RGS6: variants seen among roughly 807,000 people sequenced by gnomAD.
RGS6 encodes the protein regulator of G-protein signaling 6.
A neutral mutation model predicts 78.5 loss-of-function variants in RGS6; 30 were observed. The observed-to-expected ratio is 0.38, with a 90% CI of 0.29 to 0.52. The LOEUF is 0.52. Among genes scored for constraint, RGS6 ranks in the 20% least tolerant of loss-of-function variants. The pLI is 0.85. For missense variants in RGS6, 495 were observed against 609.7 expected, an observed-to-expected ratio of 0.81 and a Z score of 1.98; for synonymous variants, 206 against 206.0, an observed-to-expected ratio of 1.00 and a Z score of 0.00.
the RGS6 span, chr14:72,619,294 G>A: frequency 2.6e-6 from 4 of 1,536,044 alleles, no homozygotes; most frequent in Non-Finnish European, 3.5e-6. Context: ...GTGACCTGGG[G>A]CCCTAGGCCT....
At chr14:72,316,123 A>G (rs1378013998) in intron 2 of RGS6, among the ~76,000 whole-genome samples, 1 of 152,228 alleles carries the variant, frequency 6.6e-6, no homozygotes, top group Non-Finnish European at 1.5e-5. Context: ...CACTTTCAAG[A>G]CATGCAGCAA....
chr14:72,333,502 C>T (rs912737178), intron 2 of RGS6, among the ~76,000 whole-genome samples: 7 of 152,320 alleles, frequency 4.6e-5, no homozygotes, highest in Admixed American at 3.9e-4. Flanking sequence ...AGCTCTCTGG[C>T]CCTCTTCTTT....
intron 17 of RGS6, among the ~76,000 whole-genome samples, chr14:72,548,342 T>TGTGTGTGTGTGCGC (rs796698263): frequency 2.1e-3 from 277 of 134,816 alleles, no homozygotes; most frequent in African/African-American, 6.8e-3. Context: ...TGTGTGTGTG[T>TGTGTGTGTGTGCGC]GCGCGCGTGT....
At chr14:72,001,001 G>A (rs2083318397) in intron 2 of RGS6, among the ~76,000 whole-genome samples, 1 of 152,184 alleles carries the variant, frequency 6.6e-6, no homozygotes, top group Admixed American at 6.5e-5. Flanking sequence ...TTAAGAAAAA[G>A]CAAGTTGAAA....
chr14:72,074,150 T>C (rs898950868), intron 2 of RGS6, among the ~76,000 whole-genome samples: 1 of 152,250 alleles, frequency 6.6e-6, no homozygotes, highest in Non-Finnish European at 1.5e-5. Context: ...GAGAAAGTGC[T>C]TCCTACCATA....
intron 3 of RGS6, among the ~76,000 whole-genome samples, chr14:72,446,205 C>T (rs1427841025): frequency 6.6e-6 from 1 of 152,150 alleles, no homozygotes; most frequent in Non-Finnish European, 1.5e-5. Flanking sequence ...TCAGGAAGAA[C>T]CAACCCGTTC....
chr14:71,936,154 A>C (rs2089320608), intron 1 of RGS6, among the ~76,000 whole-genome samples: 1 of 151,226 alleles, frequency 6.6e-6, no homozygotes, highest in Non-Finnish European at 1.5e-5. Flanking sequence ...ATTAAGTATT[A>C]ACTTACATGG....
chr14:72,209,899 T>C (rs1599570567), intron 2 of RGS6, among the ~76,000 whole-genome samples: 1 of 152,214 alleles, frequency 6.6e-6, no homozygotes, highest in South Asian at 2.1e-4. Flanking sequence ...TCTACATAAG[T>C]AGACTGACCA....
the RGS6 span, among the ~76,000 whole-genome samples, chr14:71,878,855 A>C: frequency 6.6e-6 from 1 of 152,200 alleles, no homozygotes; most frequent in African/African-American, 2.4e-5. Flanking sequence ...TTTTACAAAA[A>C]TCCAGCAGTT....
chr14:72,122,076 C>T (rs1341088255), intron 2 of RGS6, among the ~76,000 whole-genome samples: 1 of 152,104 alleles, frequency 6.6e-6, no homozygotes, highest in African/African-American at 2.4e-5. Flanking sequence ...ATCGAGAAGC[C>T]CTTCTCTAGA....
Position 72,268,711 on chromosome 14 carries a change from A to T in RGS6, c.85-83384A>T, listed in dbSNP as rs149730529. 2.0e-5 allele frequency among the ~76,000 whole-genome samples: 3 copies of T among 152,330 alleles called. No homozygotes were observed. In the East Asian group the frequency reaches 5.8e-4, roughly 29 times the overall value. ...GGGAGAGAGAAAGAGACTTTAGGTGAGAAAGAATGGTTGGGAGAGGGGAGA... is the reference window on the plus strand; with the variant it reads ...GGGAGAGAGAAAGAGACTTTAGGTGTGAAAGAATGGTTGGGAGAGGGGAGA... On this transcript the variant is annotated intron_variant, in intron 2 of 17. Coordinates refer to ENST00000553525, the MANE Select transcript of RGS6 (RefSeq NM_001204424.2).
At chr14:72,428,981 G>A (rs1383012924) in intron 3 of RGS6, among the ~76,000 whole-genome samples, 3 of 152,134 alleles carry the variant, frequency 2.0e-5, no homozygotes, top group Non-Finnish European at 4.4e-5. Context: ...CGGGTGGATT[G>A]TCTGAGCTCA....
intron 2 of RGS6, among the ~76,000 whole-genome samples, chr14:72,284,800 C>G (rs2152279510): frequency 6.6e-6 from 1 of 152,318 alleles, no homozygotes; most frequent in South Asian, 2.1e-4. Context: ...AAAGCCAGCC[C>G]TGAAAGAAGC....
At chr14:72,358,352 A>C (rs1475230335) in intron 3 of RGS6, among the ~76,000 whole-genome samples, 2 of 152,040 alleles carry the variant, frequency 1.3e-5, no homozygotes, top group Non-Finnish European at 2.9e-5. Flanking sequence ...TGGTAGGTCC[A>C]CCCCCAGCTT....
intron 2 of RGS6, among the ~76,000 whole-genome samples, chr14:72,328,048 A>G (rs1380462905): frequency 6.6e-6 from 1 of 152,184 alleles, no homozygotes; most frequent in Non-Finnish European, 1.5e-5. Flanking sequence ...ATGAGTCCAC[A>G]GGCCCAAGAA....
At chr14:72,588,749 T>A in the RGS6 span, among the ~76,000 whole-genome samples, 1 of 152,228 alleles carries the variant, frequency 6.6e-6, no homozygotes, top group Non-Finnish European at 1.5e-5. Context: ...AAGTTTCTGT[T>A]CTTTCTTTCG....
chr14:72,557,290 T>A (rs2097593251), intron 17 of RGS6, among the ~76,000 whole-genome samples: 1 of 152,256 alleles, frequency 6.6e-6, no homozygotes, highest in African/African-American at 2.4e-5. Flanking sequence ...CTGCCAGCGT[T>A]TCTCCGACAT....
At chr14:72,258,231 C>T (rs574542503) in intron 2 of RGS6, among the ~76,000 whole-genome samples, 4 of 152,316 alleles carry the variant, frequency 2.6e-5, no homozygotes, top group South Asian at 4.1e-4. Flanking sequence ...ATGGTATACA[C>T]CACTATACAC....
At chr14:72,413,848 G>T (rs1470550148) in intron 3 of RGS6, among the ~76,000 whole-genome samples, 2 of 152,174 alleles carry the variant, frequency 1.3e-5, no homozygotes, top group Non-Finnish European at 2.9e-5. Context: ...GGCTGGATAT[G>T]AAATTCTGGA....
Sources: gnomAD v4.1 joint callset for allele counts (sites outside exome capture counted in the v4.1 genomes callset) on GRCh38, gnomAD v4.1.1 for gene constraint, MANE v1.5 for transcripts, NCBI Gene and HGNC (gene_info 2026-07-23, HGNC 2026-07-21) for gene names.